PARD3B: variants seen among roughly 807,000 people sequenced by gnomAD.
The protein encoded by PARD3B is partitioning defective 3 homolog B.
Under a neutral mutation model 130.2 loss-of-function variants are expected in PARD3B, and 103 were observed. The observed-to-expected ratio is 0.79, with a 90% CI of 0.67 to 0.93. The LOEUF (loss-of-function observed/expected upper bound fraction) is 0.93. PARD3B is among the 40% of genes least tolerant of loss of function. PARD3B has a pLI of 0.00. For synonymous variants in PARD3B, 583 were observed against 553.2 expected (o/e 1.05, Z -0.76); for missense variants, 1,609 against 1,499.2 (o/e 1.07, Z -1.21).
chr2:205,237,244 C>A (rs1304306634), intron 15 of PARD3B, among the ~76,000 whole-genome samples: 1 of 152,052 alleles, frequency 6.6e-6, no homozygotes, highest in African/African-American at 2.4e-5. Context: ...GGATTACAGG[C>A]CTGTACCACC....
chr2:205,575,755 C>T lies in PARD3B; in HGVS notation c.3260+22352C>T, dbSNP rs779603388. On this transcript the variant is annotated intron_variant, in intron 22 of 22. Coordinates refer to ENST00000406610, the MANE Select transcript of PARD3B (RefSeq NM_001302769.2). This position sits in a 1 kb window ranked among gnomAD's most constrained non-coding sequence, Gnocchi z 4.6. Reference sequence around the variant, plus strand: ...AATATTCCAGTGTTTGGTTGTGGCACAGTTGATTCATTCACTTACTAAAGG... The same window carrying T: ...AATATTCCAGTGTTTGGTTGTGGCATAGTTGATTCATTCACTTACTAAAGG... Among the ~76,000 whole-genome samples, 4 of 152,116 alleles carry T rather than the reference C, an allele frequency of 2.6e-5. No individual in the cohort carries two copies. The highest frequency in any genetic ancestry group is 5.9e-5 in the Non-Finnish European group (4 of 68,014).
intron 2 of PARD3B, among the ~76,000 whole-genome samples, chr2:204,809,450 G>T (rs988284424): frequency 6.6e-6 from 1 of 152,018 alleles, no homozygotes; most frequent in African/African-American, 2.4e-5. Flanking sequence ...GTTGATTTTT[G>T]TATATGATAT....
intron 2 of PARD3B, among the ~76,000 whole-genome samples, chr2:204,938,706 G>A (rs1476560760): frequency 1.3e-5 from 2 of 152,156 alleles, no homozygotes; most frequent in Non-Finnish European, 2.9e-5. Context: ...TGAAGCACAG[G>A]TTGGAGCCTC....
intron 5 of PARD3B, among the ~76,000 whole-genome samples, chr2:205,112,274 TC>T (rs1238794676): frequency 2.7e-4 from 41 of 152,220 alleles, no homozygotes; most frequent in African/African-American, 9.6e-4. Context: ...TTTTTGCATT[TC>T]TTAATGATAA....
rs1376971796 is a variant in PARD3B, at chr2:205,274,401, C to T, written c.2186-26129C>T. On this transcript the variant is annotated intron_variant, in intron 16 of 22. Transcript: ENST00000406610. This position sits in a 1 kb window ranked among gnomAD's most constrained non-coding sequence, Gnocchi z 4.2. ...TCCATTCCTTAAGTGCTTTTAGTAA[C>T]TTATATTGCAGTGACTTTAATATTA... is the stretch of plus-strand genomic sequence containing the variant. Among the ~76,000 whole-genome samples, 4 of 151,982 alleles carry T rather than the reference C, an allele frequency of 2.6e-5. No homozygotes were observed. In the East Asian group the frequency reaches 7.7e-4, roughly 29 times the overall value.
chr2:204,547,709 A>C (rs1283761253), intron 1 of PARD3B, among the ~76,000 whole-genome samples: 1 of 152,174 alleles, frequency 6.6e-6, no homozygotes, highest in Non-Finnish European at 1.5e-5. Context: ...TTAACTATTA[A>C]ATAATTTATG....
intron 3 of PARD3B, among the ~76,000 whole-genome samples, chr2:205,017,431 A>G (rs2125323501): frequency 6.6e-6 from 1 of 152,268 alleles, no homozygotes; most frequent in South Asian, 2.1e-4. Context: ...GGTCGAGGAC[A>G]TGATGGCAGA....
At chr2:204,656,346 A>G (rs571161216) in intron 1 of PARD3B, among the ~76,000 whole-genome samples, 1 of 148,562 alleles carries the variant, frequency 6.7e-6, no homozygotes, top group African/African-American at 2.6e-5. Flanking sequence ...GATATATGGA[A>G]GGTTTACATG....
intron 2 of PARD3B, among the ~76,000 whole-genome samples, chr2:204,852,102 G>A (rs2044730408): frequency 1.3e-5 from 2 of 152,132 alleles, no homozygotes; most frequent in African/African-American, 2.4e-5. Context: ...AATGACAGTA[G>A]TGTGTAACAA....
chr2:205,474,088 C>T (rs2048943143), intron 20 of PARD3B, among the ~76,000 whole-genome samples: 1 of 151,962 alleles, frequency 6.6e-6, no homozygotes, highest in Admixed American at 6.6e-5. Context: ...CCTAAAACTA[C>T]TCAGTTAAAA....
chr2:205,536,320 C>T (rs920107001), intron 21 of PARD3B, among the ~76,000 whole-genome samples: 4 of 152,158 alleles, frequency 2.6e-5, no homozygotes, highest in Non-Finnish European at 4.4e-5. Context: ...CCAGGAATAT[C>T]GTGAAATAGG....
intron 2 of PARD3B, among the ~76,000 whole-genome samples, chr2:204,797,741 C>T (rs972443349): frequency 3.3e-5 from 5 of 151,942 alleles, no homozygotes; most frequent in African/African-American, 4.8e-5. Flanking sequence ...TTTTAAATGA[C>T]GTTTATTGCC....
chr2:205,270,314 A>G (rs1011149981), intron 16 of PARD3B, among the ~76,000 whole-genome samples: 6 of 152,128 alleles, frequency 3.9e-5, no homozygotes, highest in African/African-American at 1.2e-4. Flanking sequence ...CACACCTGTA[A>G]TCCCAGCACT....
intron 18 of PARD3B, among the ~76,000 whole-genome samples, chr2:205,399,355 G>GT (rs1383939573): frequency 1.3e-5 from 2 of 151,698 alleles, no homozygotes; most frequent in Non-Finnish European, 2.9e-5. Flanking sequence ...GTTTTGTTTT[G>GT]TTTGTTTGTT....
chr2:205,338,150 C>T (rs905678827), intron 18 of PARD3B, among the ~76,000 whole-genome samples: 1 of 85,970 alleles, frequency 1.2e-5, no homozygotes, highest in Non-Finnish European at 2.0e-5. Flanking sequence ...GAGACTCCAT[C>T]TCAAAAAAAA....
At chr2:205,000,569 G>A (rs1163039242) in intron 3 of PARD3B, among the ~76,000 whole-genome samples, 2 of 152,108 alleles carry the variant, frequency 1.3e-5, no homozygotes, top group African/African-American at 2.4e-5. Flanking sequence ...ATATCCAAAC[G>A]TCTACTCAAG....
chr2:205,179,890 A>G lies in PARD3B; in HGVS notation c.1924+3313A>G, dbSNP rs1021687624. Reference sequence around the variant, plus strand: ...AATCCACTCCAAGTGCATGCTAAAAAATACAATACAATAATCATTTGGTTT... The same window carrying G: ...AATCCACTCCAAGTGCATGCTAAAAGATACAATACAATAATCATTTGGTTT... On this transcript the variant is annotated intron_variant, in intron 13 of 22. Coordinates refer to ENST00000406610, the MANE Select transcript of PARD3B (RefSeq NM_001302769.2). Among the ~76,000 whole-genome samples the G allele has an allele frequency of 1.7e-4, 26 of 152,244 alleles. No individual in the cohort carries two copies. The East Asian group carries it at 4.4e-3, about 26-fold the overall frequency.
Position 205,105,797 on chromosome 2 carries a change from G to T in PARD3B, c.593+1283G>T, listed in dbSNP as rs893756179. Among the ~76,000 whole-genome samples, 1 of 151,574 alleles carries T rather than the reference G, an allele frequency of 6.6e-6. No homozygotes were observed. The highest frequency in any genetic ancestry group is 2.4e-5 in the African/African-American group (1 of 41,330). On this transcript the variant is annotated intron_variant, in intron 5 of 22. Coordinates refer to ENST00000406610, the MANE Select transcript of PARD3B (RefSeq NM_001302769.2). The surrounding 1 kb of genome is among the most constrained non-coding windows in gnomAD (Gnocchi z 4.0). ...TCTGAAGAAAAAAAAAAGGCGGGGGGATATGGGGTAGGGAGTAATAGAAAA... is the reference window on the plus strand; with the variant it reads ...TCTGAAGAAAAAAAAAAGGCGGGGGTATATGGGGTAGGGAGTAATAGAAAA...
At chr2:204,891,157 A>G (rs1040568552) in intron 2 of PARD3B, among the ~76,000 whole-genome samples, 1 of 150,982 alleles carries the variant, frequency 6.6e-6, no homozygotes, top group Non-Finnish European at 1.5e-5. Flanking sequence ...ATTCAACTGC[A>G]CGCTGTGTGT....
Sources: gnomAD v4.1 joint callset for allele counts (sites outside exome capture counted in the v4.1 genomes callset) on GRCh38, gnomAD v4.1.1 for gene constraint, Gnocchi (gnomAD v3.1) non-coding constraint, MANE v1.5 for transcripts, NCBI Gene and HGNC (gene_info 2026-07-23, HGNC 2026-07-21) for gene names.